The following ACO1 variants were observed in gnomAD, a reference collection of about 807,000 sequenced individuals.
ACO1 encodes aconitase 1.
Under a neutral mutation model 105.1 loss-of-function variants are expected in ACO1, and 78 were observed. That is an observed-to-expected ratio of 0.74 (90% CI 0.62 to 0.90). ACO1 has a LOEUF of 0.90. Among genes scored for constraint, ACO1 ranks in the 40% least tolerant of loss-of-function variants. The probability of loss-of-function intolerance (pLI) is 0.00; values close to 1 mark genes in which losing one functional copy is unlikely to be tolerated. For synonymous variants in ACO1, 364 were observed against 397.4 expected (o/e 0.92, Z 1.00); for missense variants, 965 against 1,111.1 (o/e 0.87, Z 1.87).
chr9:32,423,482 G>A, intron 9 of ACO1, 63 bp downstream of exon 9: 1 of 1,119,896 alleles, frequency 8.9e-7, no homozygotes, highest in Non-Finnish European at 1.3e-6. Context: ...TTTTAGTGGT[G>A]GTTTTTCTTG....
In ACO1 at chr9:32,431,706, A is replaced by G. The variant is rs1157365891; in HGVS notation, c.1727-13A>G. On this transcript the variant is annotated splice_polypyrimidine_tract_variant and intron_variant, in intron 14 of 20. Transcript: ENST00000309951. ...TTAGAAAGTTTTCTCATTAATAAAC[A>G]TTTTTTCCCCAGGAGTAAATGCAAA... is the stretch of plus-strand genomic sequence containing the variant. 1.2e-6 allele frequency: 2 copies of G among 1,613,416 alleles called. No homozygotes were observed. The highest frequency in any genetic ancestry group is 2.2e-5 in the East Asian group (1 of 44,864).
In ACO1 at chr9:32,448,989, G is replaced by A; in HGVS notation, c.2464G>A (p.Glu822Lys). The change falls in exon 20 of 21, where the codon GAG becomes AAG. Residue 822 changes from glutamate (E) to lysine (K), a missense_variant. Transcript: ENST00000309951. ...GVIPLEYLPG[E>K]NADALGLTGQ... ...GATCCCACTTGAATATCTCCCTGGT[G>A]AGAATGCAGATGCCCTGGGGCTCAC... is the stretch of plus-strand genomic sequence containing the variant. 6.2e-7 allele frequency: 1 copy of A among 1,614,086 alleles called. No homozygotes were observed. Among genetic ancestry groups the A allele is most frequent in the Non-Finnish European group, 8.5e-7 (1 of 1,179,916 alleles).
intron 18 of ACO1, among the ~76,000 whole-genome samples, chr9:32,436,996 C>T (rs537379453): frequency 6.6e-6 from 1 of 152,184 alleles, no homozygotes; most frequent in African/African-American, 2.4e-5. Context: ...AATATAAAAC[C>T]TAGCATAGAG....
Position 32,453,175 on chromosome 9 carries a change from C to T in ACO1, c.*3064C>T, listed in dbSNP as rs562439246. ...AGTTTTCCAAATTCATTACTGCATT[C>T]CTGGCATCCGCAGCAAGCTAAGAGT... On this transcript the variant is annotated 3_prime_UTR_variant, in exon 21 of 21. Coordinates refer to ENST00000309951, the MANE Select transcript of ACO1 (RefSeq NM_002197.3). 5.6e-4 allele frequency: 85 copies of T among 152,184 alleles called. No homozygotes were observed. Among genetic ancestry groups the T allele is most frequent in the African/African-American group, 1.7e-3 (71 of 41,502 alleles). The allele number at this position is 152,184 out of a possible 1,614,324, so 9.4% of individuals were successfully genotyped here.
At chr9:32,449,942 G>C (rs529112457) in intron 20 of ACO1, 56 bp from the exon 21 acceptor site, 8 of 1,439,782 alleles carry the variant, frequency 5.6e-6, no homozygotes, top group African/African-American at 4.2e-5. Context: ...AATTTCCTCC[G>C]AGCAGAGCTG....
intron 2 of ACO1, 92 bp from the exon 3 acceptor site, chr9:32,407,169 G>A: frequency 3.5e-6 from 4 of 1,136,292 alleles, no homozygotes; most frequent in Non-Finnish European, 5.2e-6. Context: ...ATAGTCTGAT[G>A]CCTCATATCA....
chr9:32,450,425 C>T lies in ACO1; in HGVS notation c.*314C>T. The T allele has an allele frequency of 2.5e-6, 1 of 393,022 alleles. No homozygotes were observed. Among genetic ancestry groups the T allele is most frequent in the Non-Finnish European group, 4.9e-6 (1 of 205,136 alleles). 24.3% of individuals were successfully genotyped at this position (393,022 alleles called of 1,614,324 possible). On this transcript the variant is annotated 3_prime_UTR_variant, in exon 21 of 21. Coordinates refer to ENST00000309951, the MANE Select transcript of ACO1 (RefSeq NM_002197.3). Reference sequence around the variant, plus strand: ...CAGGACGTTGCTTTTTCACTGTTTCCTATTAATCTTCAGCTGAACACAAGC... The same window carrying T: ...CAGGACGTTGCTTTTTCACTGTTTCTTATTAATCTTCAGCTGAACACAAGC...
At position 32,419,142 on chromosome 9, in the gene ACO1, G is replaced by C. The variant is rs1023662763; in HGVS notation, c.763G>C (p.Val255Leu). 6.2e-7 allele frequency: 1 copy of C among 1,603,994 alleles called. No homozygotes were observed. The highest frequency in any genetic ancestry group is 1.1e-5 in the South Asian group (1 of 89,484). ...YRLMGKPHPL[V>L]TSTDIVLTIT... ...GCTGATGGGGAAGCCCCACCCTCTG[G>C]TAACATCCACTGACATCGTGCTCAC... The change falls in exon 7 of 21, where the codon GTA (valine) becomes CTA (leucine). Residue 255 changes from valine (V) to leucine (L), a missense_variant. By Grantham distance (32) the Val-to-Leu change is conservative (BLOSUM62 1). Coordinates refer to ENST00000309951, the MANE Select transcript of ACO1 (RefSeq NM_002197.3).
rs1263101405 is a variant in ACO1, at chr9:32,408,555, C to T, written c.308C>T (p.Ala103Val). 6.2e-7 allele frequency: 1 copy of T among 1,614,120 alleles called. No individual in the cohort carries two copies. The highest frequency in any genetic ancestry group is 8.5e-7 in the Non-Finnish European group (1 of 1,180,000). Residue 103 changes from alanine to valine, a missense_variant, in exon 4 of 21, where the codon GCT becomes GTT. Ala to Val is a moderately conservative substitution (Grantham distance 64). Coordinates refer to ENST00000309951, the MANE Select transcript of ACO1 (RefSeq NM_002197.3). Reference sequence around the variant, plus strand: ...GTTGACTTTGCTGCAATGCGTGATGCTGTGAAAAAGTTAGGAGGAGATCCA... The same window carrying T: ...GTTGACTTTGCTGCAATGCGTGATGTTGTGAAAAAGTTAGGAGGAGATCCA... ...AVVDFAAMRDAVKKLGGDPEK... is the reference protein window; with the variant it reads ...AVVDFAAMRDVVKKLGGDPEK...
chr9:32,410,800 C>T (rs1424651648), intron 4 of ACO1, among the ~76,000 whole-genome samples: 3 of 152,100 alleles, frequency 2.0e-5, no homozygotes, highest in African/African-American at 7.2e-5. Flanking sequence ...CAACAGCAGT[C>T]AACAGTAAGA....
chr9:32,402,184 T>C (rs1442621555), intron 1 of ACO1, among the ~76,000 whole-genome samples: 1 of 152,136 alleles, frequency 6.6e-6, no homozygotes, highest in Admixed American at 6.5e-5. Context: ...TCCCATTCCT[T>C]CCTTCTTTTT....
rs1324142209 is a variant in ACO1 at position 32,384,721 on chromosome 9, G to C, written c.-37G>C. 1 of 411,510 alleles carries C rather than the reference G, an allele frequency of 2.4e-6. No homozygotes were observed. The highest frequency in any genetic ancestry group is 4.8e-6 in the Non-Finnish European group (1 of 206,792). 25.5% of individuals were successfully genotyped at this position (411,510 alleles called of 1,614,324 possible). A position where few individuals can be genotyped will look rare whatever the true frequency, so the allele number is the denominator to read the frequency against. On this transcript the variant is annotated 5_prime_UTR_variant, in exon 1 of 21. Coordinates refer to ENST00000309951, the MANE Select transcript of ACO1 (RefSeq NM_002197.3). ...CAGGTTCGCCGGTCGCGGGAGCCCCGCCGTGCAGTCGGAGGTGAGTACCGA... is the reference window on the plus strand; with the variant it reads ...CAGGTTCGCCGGTCGCGGGAGCCCCCCCGTGCAGTCGGAGGTGAGTACCGA...
In ACO1 at chr9:32,384,750, G is replaced by T. The variant is rs941091936; in HGVS notation, c.-23+15G>T. ...TGCAGTCGGAGGTGAGTACCGACGC[G>T]GCCCGACCCACGTCCCCAGGCGGGA... is the stretch of plus-strand genomic sequence containing the variant. On this transcript the variant is annotated intron_variant, in intron 1 of 20. Coordinates refer to ENST00000309951, the MANE Select transcript of ACO1 (RefSeq NM_002197.3). 2 of 384,016 alleles carry T rather than the reference G, an allele frequency of 5.2e-6. No homozygotes were observed. Among genetic ancestry groups the T allele is most frequent in the Non-Finnish European group, 1.1e-5 (2 of 189,190 alleles). The allele number at this position is 384,016 out of a possible 1,614,324, so 23.8% of individuals were successfully genotyped here. A position where few individuals can be genotyped will look rare whatever the true frequency, so the allele number is the denominator to read the frequency against.
At chr9:32,416,948 A>C (rs1414722395) in intron 4 of ACO1, among the ~76,000 whole-genome samples, 5 of 152,174 alleles carry the variant, frequency 3.3e-5, no homozygotes, top group African/African-American at 9.7e-5. Context: ...CCACAACGTA[A>C]TGTTGTCCTT....
chr9:32,450,162 G>C lies in ACO1; in HGVS notation c.*51G>C, dbSNP rs748386123. 2.7e-6 allele frequency: 4 copies of C among 1,476,036 alleles called. No homozygotes were observed. Among genetic ancestry groups the C allele is most frequent in the Non-Finnish European group, 1.9e-6 (2 of 1,056,108 alleles). The allele number at this position is 1,476,036 out of a possible 1,614,324, so 91.4% of individuals were successfully genotyped here. A position where few individuals can be genotyped will look rare whatever the true frequency, so the allele number is the denominator to read the frequency against. On this transcript the variant is annotated 3_prime_UTR_variant, in exon 21 of 21. Transcript: ENST00000309951. ...AGGGAGGAAGCCGCACCACCAGCCAGCGCAGGCCCTGGTGGAGAGGCCTCC... is the reference window on the plus strand; with the variant it reads ...AGGGAGGAAGCCGCACCACCAGCCACCGCAGGCCCTGGTGGAGAGGCCTCC...
chr9:32,417,762 G>A (rs1300494869), intron 4 of ACO1, among the ~76,000 whole-genome samples: 1 of 152,202 alleles, frequency 6.6e-6, no homozygotes, highest in East Asian at 1.9e-4. Context: ...ATGAGGTCAT[G>A]GATGAGGAGT....
chr9:32,431,443 T>C (rs1388229181), intron 14 of ACO1, among the ~76,000 whole-genome samples: 1 of 152,194 alleles, frequency 6.6e-6, no homozygotes, highest in African/African-American at 2.4e-5. Context: ...TAGATAGGCT[T>C]CGCTGGAAGT....
Position 32,408,376 on chromosome 9 carries a change from C to T in ACO1, c.267-138C>T. The T allele has an allele frequency of 5.2e-6, 5 of 955,580 alleles. 1 individual carries two copies. In the South Asian group the frequency reaches 8.6e-5, roughly 17 times the overall value. The allele number at this position is 955,580 out of a possible 1,614,324, so 59.2% of individuals were successfully genotyped here. ...GAGGAAATACGCTTAGAAACTTTCA[C>T]TTTTCTAAGTCTCACCCATTGTTAG... is the stretch of plus-strand genomic sequence containing the variant. On this transcript the variant is annotated intron_variant, in intron 3 of 20. Transcript: ENST00000309951.
At chr9:32,418,658 A>C in intron 6 of ACO1, 147 bp downstream of exon 6, 1 of 933,570 alleles carries the variant, frequency 1.1e-6, no homozygotes, top group Non-Finnish European at 1.6e-6. Flanking sequence ...TCCAGTGCCT[A>C]GAGAATCACT....
Sources: gnomAD v4.1 joint callset for allele counts (sites outside exome capture counted in the v4.1 genomes callset) on GRCh38, gnomAD v4.1.1 for gene constraint, MANE v1.5 for transcripts, NCBI Gene and HGNC (gene_info 2026-07-23, HGNC 2026-07-21) for gene names.